Variants in ERC2 observed in about 807,000 individuals in gnomAD.
ERC2 encodes ELKS/RAB6-interacting/CAST family member 2.
Under a neutral mutation model 114.8 loss-of-function variants are expected in ERC2, and 42 were observed. The observed-to-expected ratio is 0.37, with a 90% confidence interval of 0.29 to 0.47. ERC2 has a LOEUF of 0.47. ERC2 is among the 20% of genes least tolerant of loss of function. The probability of loss-of-function intolerance (pLI) is 0.99; values close to 1 mark genes in which losing one functional copy is unlikely to be tolerated. For missense variants in ERC2, 939 were observed against 1,150.7 expected (o/e 0.82, Z 2.66); for synonymous variants, 454 against 425.5 (o/e 1.07, Z -0.82).
intron 3 of ERC2, among the ~76,000 whole-genome samples, chr3:56,199,829 C>T (rs1031615567): frequency 2.6e-5 from 4 of 152,010 alleles, no homozygotes; most frequent in African/African-American, 9.7e-5. Flanking sequence ...TTTTTAAGAG[C>T]ACCACTCTGG....
chr3:55,536,573 G>A (rs2054013575), intron 17 of ERC2, among the ~76,000 whole-genome samples: 2 of 152,210 alleles, frequency 1.3e-5, no homozygotes, highest in African/African-American at 4.8e-5. Flanking sequence ...AAGTTTGTTA[G>A]TCTCTGTCAA....
chr3:56,265,031 C>A (rs1423632740), intron 3 of ERC2, among the ~76,000 whole-genome samples: 1 of 152,120 alleles, frequency 6.6e-6, no homozygotes, highest in Non-Finnish European at 1.5e-5. Flanking sequence ...CCATACTATC[C>A]AAAGCAGTCT....
intron 3 of ERC2, among the ~76,000 whole-genome samples, chr3:56,281,813 A>C (rs2054368282): frequency 6.6e-6 from 1 of 152,218 alleles, no homozygotes. Flanking sequence ...CAATTACAGA[A>C]TGAAAGTGGG....
intron 6 of ERC2, among the ~76,000 whole-genome samples, chr3:56,097,336 C>T (rs1238969651): frequency 6.6e-6 from 1 of 152,092 alleles, no homozygotes; most frequent in Non-Finnish European, 1.5e-5. Context: ...CCTACATATA[C>T]TTATTGCTCA....
At chr3:55,770,109 C>T (rs2068087768) in intron 14 of ERC2, among the ~76,000 whole-genome samples, 1 of 152,174 alleles carries the variant, frequency 6.6e-6, no homozygotes, top group Non-Finnish European at 1.5e-5. Context: ...TATGCTTCTT[C>T]TAACTCTTTT....
chr3:56,322,172 A>G (rs1210571649), intron 2 of ERC2, among the ~76,000 whole-genome samples: 1 of 152,240 alleles, frequency 6.6e-6, no homozygotes, highest in Non-Finnish European at 1.5e-5. Flanking sequence ...TGAGCTATGT[A>G]TAAACTGTTT....
intron 6 of ERC2, among the ~76,000 whole-genome samples, chr3:56,111,849 T>C (rs2078979755): frequency 1.3e-5 from 2 of 152,214 alleles, no homozygotes; most frequent in African/African-American, 4.8e-5. Context: ...GCAACAAATA[T>C]TGCTGAACTG....
At chr3:55,802,537 G>A (rs1388642148) in intron 14 of ERC2, among the ~76,000 whole-genome samples, 1 of 152,124 alleles carries the variant, frequency 6.6e-6, no homozygotes, top group Non-Finnish European at 1.5e-5. Flanking sequence ...AATAGAACAA[G>A]CATCATATCT....
At chr3:55,749,170 A>G (rs745532794) in intron 14 of ERC2, among the ~76,000 whole-genome samples, 4 of 152,206 alleles carry the variant, frequency 2.6e-5, no homozygotes, top group Non-Finnish European at 5.9e-5. Flanking sequence ...AGTCCTGTAA[A>G]AGAGGCCCCC....
chr3:55,747,752 C>T (rs1024999731), intron 14 of ERC2, among the ~76,000 whole-genome samples: 1 of 152,216 alleles, frequency 6.6e-6, no homozygotes, highest in Non-Finnish European at 1.5e-5. Flanking sequence ...CAAGAGCATA[C>T]TCAATGACCA....
chr3:56,089,259 T>A (rs1453228590), intron 6 of ERC2, among the ~76,000 whole-genome samples: 2 of 152,194 alleles, frequency 1.3e-5, no homozygotes, highest in African/African-American at 2.4e-5. Context: ...CTGAAAATTG[T>A]CAATTAACAT....
chr3:56,460,380 T>C (rs1329652202), intron 1 of ERC2, among the ~76,000 whole-genome samples: 1 of 152,260 alleles, frequency 6.6e-6, no homozygotes, highest in Non-Finnish European at 1.5e-5. Flanking sequence ...TGAGCAAGTT[T>C]TTCTGTTCCT....
intron 3 of ERC2, among the ~76,000 whole-genome samples, chr3:56,269,925 A>G (rs1264601193): frequency 6.6e-6 from 1 of 152,048 alleles, no homozygotes; most frequent in Non-Finnish European, 1.5e-5. Flanking sequence ...CCTTTTTCCC[A>G]CCCCATCAGT....
At chr3:55,522,319 C>T (rs1221992241) in intron 17 of ERC2, among the ~76,000 whole-genome samples, 3 of 152,176 alleles carry the variant, frequency 2.0e-5, no homozygotes, top group Non-Finnish European at 4.4e-5. Flanking sequence ...TAATCCTCAC[C>T]TGCAAACAAA....
intron 3 of ERC2, among the ~76,000 whole-genome samples, chr3:56,275,671 G>T (rs189126991): frequency 6.6e-6 from 1 of 152,272 alleles, no homozygotes; most frequent in East Asian, 1.9e-4. Context: ...CCAGAGGCCT[G>T]GGACACAGCT....
intron 12 of ERC2, among the ~76,000 whole-genome samples, chr3:55,954,660 T>C (rs962601257): frequency 6.6e-6 from 1 of 152,202 alleles, no homozygotes; most frequent in Non-Finnish European, 1.5e-5. Context: ...CTTTTAAAGA[T>C]TGGTAATATT....
At chr3:55,944,769 C>T (rs2067021968) in intron 13 of ERC2, among the ~76,000 whole-genome samples, 1 of 152,132 alleles carries the variant, frequency 6.6e-6, no homozygotes, top group South Asian at 2.1e-4. Flanking sequence ...TAGCAAAAGT[C>T]GTTTTTTTGG....
chr3:56,032,945 AAGAAAGAAAGAAAC>A lies in ERC2; in HGVS notation c.1642-13928_1642-13915del, dbSNP rs1560056679. On this transcript the variant is annotated intron_variant, in intron 7 of 17. Transcript: ENST00000288221. ...AAAGAAAGAAAGAAAGAAAGAAAGA[AAGAAAGAAAGAAAC>A]AGAAAGAAAGAAAGAAAGAGAAAGA... 1.0e-3 allele frequency among the ~76,000 whole-genome samples: 91 copies of A among 90,150 alleles called. 2 individuals carry two copies. Among genetic ancestry groups the A allele is most frequent in the East Asian group, 6.1e-3 (19 of 3,136 alleles). 59.1% of individuals were successfully genotyped at this position (90,150 alleles called of 152,430 possible). A position where few individuals can be genotyped will look rare whatever the true frequency, so the allele number is the denominator to read the frequency against.
At chr3:56,109,265 C>T (rs1448516451) in intron 6 of ERC2, among the ~76,000 whole-genome samples, 2 of 152,098 alleles carry the variant, frequency 1.3e-5, no homozygotes, top group Admixed American at 6.6e-5. Flanking sequence ...TAAGTGAGAA[C>T]ATGCGGTATT....
Sources: allele counts gnomAD v4.1 joint callset (sites outside exome capture counted in the v4.1 genomes callset), GRCh38; gene constraint gnomAD v4.1.1; transcripts MANE v1.5; gene names NCBI Gene and HGNC (gene_info 2026-07-23, HGNC 2026-07-21).